CCDC170: variants seen among roughly 807,000 people sequenced by gnomAD.
CCDC170 encodes the protein coiled-coil domain containing 170, also known as coiled-coil domain-containing protein 170.
Under a neutral mutation model 72.6 loss-of-function variants are expected in CCDC170, and 69 were observed. That is an observed-to-expected ratio of 0.95 (90% CI 0.78 to 1.16). The LOEUF (loss-of-function observed/expected upper bound fraction) is 1.16. Ranked by LOEUF, CCDC170 falls within the 50% of genes most tolerant of loss-of-function variation. CCDC170 has a pLI of 0.00. For synonymous variants in CCDC170, 300 were observed against 303.9 expected, an observed-to-expected ratio of 0.99 and a Z score of 0.13; for missense variants, 852 against 832.5, an observed-to-expected ratio of 1.02 and a Z score of -0.29.
At chr6:151,594,560 A>G (rs1008501648) in intron 8 of CCDC170, among the ~76,000 whole-genome samples, 1 of 152,094 alleles carries the variant, frequency 6.6e-6, no homozygotes, top group South Asian at 2.1e-4. Flanking sequence ...AGTGTCCAAC[A>G]CCATTACTTC....
chr6:151,590,324 T>C (rs1776515096), intron 7 of CCDC170, among the ~76,000 whole-genome samples: 1 of 152,216 alleles, frequency 6.6e-6, no homozygotes, highest in Non-Finnish European at 1.5e-5. Flanking sequence ...AGAAGAAATA[T>C]ATTAAAGGCA....
Position 151,618,348 on chromosome 6 carries a change from A to G in CCDC170, c.*201A>G. On this transcript the variant is annotated 3_prime_UTR_variant, in exon 11 of 11. Coordinates refer to ENST00000239374, the MANE Select transcript of CCDC170 (RefSeq NM_025059.4). The stretch of plus-strand genomic sequence containing the variant: ...CAGCATTAAAAACGCCTATTATTTC[A>G]TTTACTAGCATTTTAGGATCCAGAA... 1.8e-6 allele frequency: 1 copy of G among 545,554 alleles called. No homozygotes were observed. Among genetic ancestry groups the G allele is most frequent in the Non-Finnish European group, 3.2e-6 (1 of 309,240 alleles). 33.8% of individuals were successfully genotyped at this position (545,554 alleles called of 1,614,324 possible).
At chr6:151,526,334 G>A (rs1782410444) in intron 1 of CCDC170, among the ~76,000 whole-genome samples, 1 of 151,544 alleles carries the variant, frequency 6.6e-6, no homozygotes, top group South Asian at 2.1e-4. Flanking sequence ...TCATTCTCCT[G>A]CCTCAGCCTT....
Position 151,566,908 on chromosome 6 carries a change from C to G in CCDC170, c.775-6266C>G, listed in dbSNP as rs373996341. On this transcript the variant is annotated intron_variant, in intron 5 of 10. Coordinates refer to ENST00000239374, the MANE Select transcript of CCDC170 (RefSeq NM_025059.4). Reference sequence around the variant, plus strand: ...TTGATGACAATGTTGCTTTCAGTGCCTGTTGTATAGGAAATTTTTTCTTTT... The same window carrying G: ...TTGATGACAATGTTGCTTTCAGTGCGTGTTGTATAGGAAATTTTTTCTTTT... Among the ~76,000 whole-genome samples the G allele has an allele frequency of 6.6e-5, 10 of 152,198 alleles. No homozygotes were observed. In the East Asian group the frequency reaches 1.7e-3, roughly 26 times the overall value.
Position 151,543,316 on chromosome 6 carries a change from A to G in CCDC170, c.444-1256A>G, listed in dbSNP as rs559573550. On this transcript the variant is annotated intron_variant, in intron 3 of 10. Transcript: ENST00000239374. The stretch of plus-strand genomic sequence containing the variant: ...TTCCTAATGCTCTTTTTTTCCTTTT[A>G]TTTTTAGTTGACTTATAATAATTGT... 9.1e-4 allele frequency among the ~76,000 whole-genome samples: 138 copies of G among 151,882 alleles called. 2 individuals carry two copies. Among genetic ancestry groups the G allele is most frequent in the South Asian group, 6.0e-3 (29 of 4,814 alleles).
At chr6:151,568,372 A>T (rs148540230) in intron 5 of CCDC170, among the ~76,000 whole-genome samples, 1 of 152,288 alleles carries the variant, frequency 6.6e-6, no homozygotes, top group East Asian at 1.9e-4. Context: ...AGAGCAGGAC[A>T]TCACCTCTCT....
In CCDC170 at chr6:151,521,487, A is replaced by G. The variant is rs533318601; in HGVS notation, c.58-14831A>G. Among the ~76,000 whole-genome samples the G allele has an allele frequency of 2.0e-3, 297 of 152,304 alleles. 3 individuals are homozygous for G. The highest frequency in any genetic ancestry group is 6.9e-3 in the African/African-American group (288 of 41,580). On this transcript the variant is annotated intron_variant, in intron 1 of 10. Coordinates refer to ENST00000239374, the MANE Select transcript of CCDC170 (RefSeq NM_025059.4). ...AAATCAGAGTAACTCCATCTTGGAT[A>G]GGGATTGGGTAAAATGAGGCTGAGA... is the stretch of plus-strand genomic sequence containing the variant.
At chr6:151,585,418 G>T (rs2115103959) in intron 6 of CCDC170, among the ~76,000 whole-genome samples, 1 of 152,284 alleles carries the variant, frequency 6.6e-6, no homozygotes, top group South Asian at 2.1e-4. Context: ...GTTTGAAAAA[G>T]CATATATCTG....
At chr6:151,611,200 G>A (rs111548144) in intron 9 of CCDC170, among the ~76,000 whole-genome samples, 353 of 152,196 alleles carry the variant, frequency 2.3e-3, no homozygotes, top group Middle Eastern at 0.01. Flanking sequence ...GCTTGAACCC[G>A]GGAGGCGGAG....
At chr6:151,571,406 A>G (rs1776216853) in intron 5 of CCDC170, among the ~76,000 whole-genome samples, 1 of 152,018 alleles carries the variant, frequency 6.6e-6, no homozygotes, top group Admixed American at 6.6e-5. Context: ...ATGTGAATTC[A>G]TGTATTTTGG....
At position 151,620,797 on chromosome 6, in the gene CCDC170, A is replaced by T. The variant is rs1303847873; in HGVS notation, c.*2650A>T. On this transcript the variant is annotated 3_prime_UTR_variant, in exon 11 of 11. Coordinates refer to ENST00000239374, the MANE Select transcript of CCDC170 (RefSeq NM_025059.4). ...AGATATTTTAAATAATATTTTAAAA[A>T]CATGAAATTTTTTTTTCATTTTTGA... The T allele has an allele frequency of 7.2e-6, 1 of 139,104 alleles. No homozygotes were observed. The highest frequency in any genetic ancestry group is 1.5e-5 in the Non-Finnish European group (1 of 66,018). The allele number at this position is 139,104 out of a possible 1,614,324, so 8.6% of individuals were successfully genotyped here. A position where few individuals can be genotyped will look rare whatever the true frequency, so the allele number is the denominator to read the frequency against.
chr6:151,609,047 C>T (rs552260018), intron 9 of CCDC170, among the ~76,000 whole-genome samples: 4 of 152,246 alleles, frequency 2.6e-5, no homozygotes, highest in Non-Finnish European at 4.4e-5. Flanking sequence ...CTTTGCTTTC[C>T]TTTCTATGCT....
At chr6:151,597,213 C>T (rs1776640111) in intron 9 of CCDC170, among the ~76,000 whole-genome samples, 1 of 152,200 alleles carries the variant, frequency 6.6e-6, no homozygotes, top group Admixed American at 6.5e-5. Context: ...ACTGCAAACT[C>T]TGCCTGGGTT....
chr6:151,574,842 T>G (rs1361299776), intron 6 of CCDC170, among the ~76,000 whole-genome samples: 2 of 152,236 alleles, frequency 1.3e-5, no homozygotes, highest in African/African-American at 4.8e-5. Context: ...TATAAAGATC[T>G]TAACTCATTG....
intron 6 of CCDC170, among the ~76,000 whole-genome samples, chr6:151,579,521 C>T (rs957100219): frequency 2.0e-5 from 3 of 152,102 alleles, no homozygotes; most frequent in Non-Finnish European, 2.9e-5. Flanking sequence ...CAAATTTCAG[C>T]GATCTACGTA....
chr6:151,588,941 A>G (rs1776493610), intron 7 of CCDC170, among the ~76,000 whole-genome samples: 1 of 151,872 alleles, frequency 6.6e-6, no homozygotes, highest in Non-Finnish European at 1.5e-5. Context: ...GTCTCAAAAC[A>G]AACAAACAAA....
intron 10 of CCDC170, 109 bp from the exon 11 acceptor site, chr6:151,617,838 C>G: frequency 1.0e-6 from 1 of 963,020 alleles, no homozygotes; most frequent in Non-Finnish European, 1.5e-6. Flanking sequence ...AATTTCCCTA[C>G]CTCATGCAAA....
chr6:151,524,615 A>T (rs1205511823), intron 1 of CCDC170, among the ~76,000 whole-genome samples: 2 of 152,226 alleles, frequency 1.3e-5, no homozygotes, highest in Non-Finnish European at 2.9e-5. Flanking sequence ...TTTTCTTTAA[A>T]AATTAGAACA....
chr6:151,548,521 G>A, intron 5 of CCDC170, 32 bp downstream of exon 5: 1 of 1,450,978 alleles, frequency 6.9e-7, no homozygotes, highest in Non-Finnish European at 9.2e-7. Context: ...TGTGCATCTG[G>A]GACCATGTTG....
Sources: allele counts gnomAD v4.1 joint callset (sites outside exome capture counted in the v4.1 genomes callset), GRCh38; gene constraint gnomAD v4.1.1; transcripts MANE v1.5; gene names NCBI Gene and HGNC (gene_info 2026-07-23, HGNC 2026-07-21).